Variants in PIK3C2B observed in about 807,000 individuals in gnomAD.
PIK3C2B encodes the protein phosphatidylinositol-4-phosphate 3-kinase catalytic subunit type 2 beta, also known as phosphatidylinositol 4-phosphate 3-kinase C2 domain-containing subunit beta.
PIK3C2B carries 83 observed loss-of-function variants against 184.3 expected under a neutral mutation model. The observed-to-expected ratio is 0.45, with a 90% CI of 0.38 to 0.54. The LOEUF (loss-of-function observed/expected upper bound fraction) is 0.54, where lower values mean the gene tolerates loss of function less well. Ranked by LOEUF, PIK3C2B falls within the 20% of genes least tolerant of loss-of-function variation. The pLI is 0.00. For synonymous variants in PIK3C2B, 779 were observed against 837.6 expected, an observed-to-expected ratio of 0.93 and a Z score of 1.21; for missense variants, 1,736 against 2,113.5, an observed-to-expected ratio of 0.82 and a Z score of 3.50.
intron 22 of PIK3C2B, among the ~76,000 whole-genome samples, chr1:204,439,643 T>C (rs888544091): frequency 1.3e-5 from 2 of 152,148 alleles, no homozygotes; most frequent in South Asian, 2.1e-4. Context: ...TCTCTCTATA[T>C]ATATATTTTC....
chr1:204,448,556 T>C (rs2103488069), intron 14 of PIK3C2B, among the ~76,000 whole-genome samples: 1 of 151,656 alleles, frequency 6.6e-6, no homozygotes, highest in Non-Finnish European at 1.5e-5. Context: ...GAGGATGATT[T>C]GTGCCTGGGA....
intron 28 of PIK3C2B, among the ~76,000 whole-genome samples, chr1:204,430,376 C>T (rs990875505): frequency 4.0e-5 from 6 of 151,226 alleles, no homozygotes; most frequent in Non-Finnish European, 5.9e-5. Context: ...GATGGAGTCT[C>T]GCTCTGTCAC....
rs959581841 is a variant in PIK3C2B, at chr1:204,443,296, T to G, written c.3048+121A>C. On this transcript the variant is annotated intron_variant, in intron 19 of 32. Transcript: ENST00000684373. Reference sequence around the variant, plus strand: ...TTACGGCCTAGTTTCCAGAGTCAGCTGCTCCCCGCTCCAAAATCAAAAATC... The same window carrying G: ...TTACGGCCTAGTTTCCAGAGTCAGCGGCTCCCCGCTCCAAAATCAAAAATC... 7.2e-5 allele frequency: 64 copies of G among 889,450 alleles called. No individual in the cohort carries two copies. The Middle Eastern group carries it at 1.0e-3, about 14-fold the overall frequency. 55.1% of individuals were successfully genotyped at this position (889,450 alleles called of 1,614,324 possible).
chr1:204,427,610 T>C (rs1311160224), intron 31 of PIK3C2B, 38 bp downstream of exon 31: 2 of 1,450,766 alleles, frequency 1.4e-6, no homozygotes, highest in South Asian at 1.1e-5. Flanking sequence ...AAAGAAACAT[T>C]AAAAAAGAAA....
chr1:204,450,131 T>TATG, intron 12 of PIK3C2B, 114 bp from the exon 13 acceptor site: 2 of 872,060 alleles, frequency 2.3e-6, no homozygotes, highest in Non-Finnish European at 3.4e-6. Context: ...CCTCTCAGGG[T>TATG]TCAGACATAC....
At chr1:204,454,548 G>A (rs1034036392) in intron 12 of PIK3C2B, 121 bp downstream of exon 12, 9 of 956,598 alleles carry the variant, frequency 9.4e-6, no homozygotes, top group Middle Eastern at 3.5e-4. Context: ...TGTCCAGTTA[G>A]GGTTAACAAG....
At position 204,469,477 on chromosome 1, in the gene PIK3C2B, T is replaced by C; in HGVS notation, c.326A>G (p.Gln109Arg). Residue 109 changes from glutamine (Q) to arginine (R), a missense_variant, in exon 2 of 33, where the codon CAA becomes CGA. Around this residue, in one of 8 missense-constraint regions of PIK3C2B, gnomAD observed 404 missense variants for 418.0 expected, o/e 0.97. Transcript: ENST00000684373. ...QEGPPNHSTS[Q>R]GPQPGSDPWP... ...GGGATCTGAGCCAGGCTGTGGCCCT[T>C]GGGAGGTAGAGTGGTTGGGCGGCCC... is the stretch of plus-strand genomic sequence containing the variant. 1.9e-6 allele frequency: 3 copies of C among 1,605,398 alleles called. No homozygotes were observed. Among genetic ancestry groups the C allele is most frequent in the Middle Eastern group, 1.7e-4 (1 of 6,012 alleles).
At chr1:204,459,739 G>A in intron 8 of PIK3C2B, 139 bp downstream of exon 8, 1 of 708,888 alleles carries the variant, frequency 1.4e-6, no homozygotes, top group African/African-American at 1.8e-5. Context: ...ATGAGCGAGG[G>A]GTTAAAAAGA....
intron 23 of PIK3C2B, among the ~76,000 whole-genome samples, chr1:204,436,532 G>C (rs180888393): frequency 6.6e-6 from 1 of 152,180 alleles, no homozygotes; most frequent in East Asian, 1.9e-4. Flanking sequence ...CAAAAAAAAA[G>C]AAACTACCAG....
intron 18 of PIK3C2B, 64 bp from the exon 19 acceptor site, chr1:204,443,661 A>G: frequency 6.9e-7 from 1 of 1,452,672 alleles, no homozygotes. Flanking sequence ...GTACAGGGGG[A>G]GACAGAGTCA....
intron 29 of PIK3C2B, among the ~76,000 whole-genome samples, chr1:204,428,472 T>C (rs1674869012): frequency 6.6e-6 from 1 of 152,176 alleles, no homozygotes; most frequent in Non-Finnish European, 1.5e-5. Context: ...GACTTTATTG[T>C]TTAGAGATGC....
intron 1 of PIK3C2B, among the ~76,000 whole-genome samples, chr1:204,493,959 C>A (rs1034423680): frequency 6.6e-6 from 1 of 152,262 alleles, no homozygotes; most frequent in East Asian, 1.9e-4. Context: ...AAGGCACTAA[C>A]CCCATCACAG....
In PIK3C2B at chr1:204,423,444, C is replaced by CT. The variant is rs1319871612; in HGVS notation, c.*1407dup. Reference sequence around the variant, plus strand: ...GCCTGGCGACAGGGCGAGACTCCGTCTCCAAAAAAAAAAAAAAAAATCCAT... The same window carrying CT: ...GCCTGGCGACAGGGCGAGACTCCGTCTTCCAAAAAAAAAAAAAAAAATCCAT... On this transcript the variant is annotated 3_prime_UTR_variant, in exon 33 of 33. Coordinates refer to ENST00000684373, the MANE Select transcript of PIK3C2B (RefSeq NM_001377334.1). 7.7e-6 allele frequency: 1 copy of CT among 129,674 alleles called. No homozygotes were observed. The highest frequency in any genetic ancestry group is 3.3e-5 in the African/African-American group (1 of 30,062). The allele number at this position is 129,674 out of a possible 1,614,324, so 8.0% of individuals were successfully genotyped here.
intron 1 of PIK3C2B, chr1:204,489,941 GAGAA>G (rs920518305): frequency 7.6e-6 from 3 of 395,652 alleles, no homozygotes; most frequent in African/African-American, 2.1e-5. Context: ...TCTAGTATGA[GAGAA>G]AGAGAGAAAG....
Position 204,433,165 on chromosome 1 carries a change from C to A in PIK3C2B, c.3953+151G>T. The A allele has an allele frequency of 1.8e-6, 1 of 549,356 alleles. No homozygotes were observed. The highest frequency in any genetic ancestry group is 2.5e-5 in the South Asian group (1 of 40,050). 34.0% of individuals were successfully genotyped at this position (549,356 alleles called of 1,614,324 possible). On this transcript the variant is annotated intron_variant, in intron 26 of 32. Transcript: ENST00000684373. The surrounding 1 kb of genome is among the most constrained non-coding windows in gnomAD (Gnocchi z 5.0). Reference sequence around the variant, plus strand: ...CAAAATGATTTACCTAAATCACGGGCAAAGTTGGGACAATGTATCCACGTG... The same window carrying A: ...CAAAATGATTTACCTAAATCACGGGAAAAGTTGGGACAATGTATCCACGTG...
rs778896050 is a variant in PIK3C2B, at chr1:204,429,902, G to A, written c.4398+19C>T. The A allele has an allele frequency of 3.3e-6, 5 of 1,501,296 alleles. No individual in the cohort carries two copies. In the South Asian group the frequency reaches 3.4e-5, roughly 10 times the overall value. 93.0% of individuals were successfully genotyped at this position (1,501,296 alleles called of 1,614,324 possible). A position where few individuals can be genotyped will look rare whatever the true frequency, so the allele number is the denominator to read the frequency against. On this transcript the variant is annotated intron_variant, in intron 29 of 32. Coordinates refer to ENST00000684373, the MANE Select transcript of PIK3C2B (RefSeq NM_001377334.1). Reference sequence around the variant, plus strand: ...CCCCACCAGCCTGGACAGCCAGGAGGAGAGGCAAGCCCACCCACCTCGGCC... The same window carrying A: ...CCCCACCAGCCTGGACAGCCAGGAGAAGAGGCAAGCCCACCCACCTCGGCC...
At chr1:204,485,303 C>T (rs952803272) in intron 1 of PIK3C2B, among the ~76,000 whole-genome samples, 2 of 152,136 alleles carry the variant, frequency 1.3e-5, no homozygotes, top group Non-Finnish European at 2.9e-5. Context: ...CCTTTCCAAA[C>T]CTCTGATGAC....
chr1:204,485,107 G>A (rs543402809), intron 1 of PIK3C2B, among the ~76,000 whole-genome samples: 25 of 151,288 alleles, frequency 1.7e-4, no homozygotes, highest in African/African-American at 5.3e-4. Flanking sequence ...GGAGTGAAGT[G>A]GTGTGATCAC....
At position 204,438,987 on chromosome 1, in the gene PIK3C2B, G is replaced by C. The variant is rs1242363743; in HGVS notation, c.3464C>G (p.Pro1155Arg). 2.5e-6 allele frequency: 4 copies of C among 1,614,144 alleles called. No individual in the cohort carries two copies. The change falls in exon 23 of 33, where the codon CCC becomes CGC. Residue 1155 changes from proline (P) to arginine (R), a missense_variant. By Grantham distance (103) the Pro-to-Arg change is moderately radical (BLOSUM62 -2). Coordinates refer to ENST00000684373, the MANE Select transcript of PIK3C2B (RefSeq NM_001377334.1). ...HGVTGSFKDR[P>R]LADWLQKHNP... is the part of the protein sequence containing the mutation. Reference sequence around the variant, plus strand: ...GTGTTTCTGCAGCCAGTCTGCCAGGGGCCGGTCCTTGAACGAGCCGGTCAC... The same window carrying C: ...GTGTTTCTGCAGCCAGTCTGCCAGGCGCCGGTCCTTGAACGAGCCGGTCAC...
Sources: gnomAD v4.1 joint callset for allele counts (sites outside exome capture counted in the v4.1 genomes callset) on GRCh38, gnomAD v4.1.1 for gene constraint, gnomAD v4.1.1 regional missense constraint, Gnocchi (gnomAD v3.1) non-coding constraint, MANE v1.5 for transcripts, NCBI Gene and HGNC (gene_info 2026-07-23, HGNC 2026-07-21) for gene names.